PKM: variants seen among roughly 807,000 people sequenced by gnomAD.
PKM encodes pyruvate kinase PKM.
PKM carries 18 observed loss-of-function variants against 49.8 expected under a neutral mutation model. The ratio of observed to expected loss-of-function variants is 0.36; its 90% CI spans 0.25 to 0.54. PKM has a LOEUF of 0.54. PKM is among the 20% of genes least tolerant of loss of function. The pLI, the probability that PKM is intolerant of heterozygous loss-of-function variation, is 0.89. For synonymous variants in PKM, 239 were observed against 261.8 expected, an observed-to-expected ratio of 0.91 and a Z score of 0.84; for missense variants, 508 against 713.8, an observed-to-expected ratio of 0.71 and a Z score of 3.28.
chr15:72,230,830 G>A, intron 1 of PKM: 1 of 804,558 alleles, frequency 1.2e-6, no homozygotes, highest in Non-Finnish European at 1.8e-6. Context: ...TGAGGATTGG[G>A]GCAGGAGGAA....
rs1415358640 is a variant in PKM at position 72,221,269 on chromosome 15, G to C, written c.-13-2159C>G. 5.2e-6 allele frequency: 8 copies of C among 1,533,494 alleles called. No homozygotes were observed. In the Admixed American group the frequency reaches 1.4e-4, roughly 26 times the overall value. 95.0% of individuals were successfully genotyped at this position (1,533,494 alleles called of 1,614,324 possible). On this transcript the variant is annotated intron_variant, in intron 1 of 10. Coordinates refer to ENST00000335181, the MANE Select transcript of PKM (RefSeq NM_002654.6). ...GCAAAGACCGCTCAGAGCTGAATAC[G>C]GTGTGCCCTGGAGAGCTGCACAAGG...
Position 72,202,692 on chromosome 15 carries a change from G to T in PKM, c.1141-72C>A. ...TTGTCAGAGCTTTGTCACAAAAGGAGAGGGAGGGGAAGAGTCACCGGACAG... is the reference window on the plus strand; with the variant it reads ...TTGTCAGAGCTTTGTCACAAAAGGATAGGGAGGGGAAGAGTCACCGGACAG... On this transcript the variant is annotated intron_variant, in intron 8 of 10. Coordinates refer to ENST00000335181, the MANE Select transcript of PKM (RefSeq NM_002654.6). The surrounding 1 kb of genome is among the most constrained non-coding windows in gnomAD (Gnocchi z 4.5). 4 of 1,369,076 alleles carry T rather than the reference G, an allele frequency of 2.9e-6. No homozygotes were observed. The highest frequency in any genetic ancestry group is 1.4e-5 in the African/African-American group (1 of 70,020). The allele number at this position is 1,369,076 out of a possible 1,614,324, so 84.8% of individuals were successfully genotyped here. A position where few individuals can be genotyped will look rare whatever the true frequency, so the allele number is the denominator to read the frequency against.
At chr15:72,217,122 T>A (rs185829285) in intron 3 of PKM, among the ~76,000 whole-genome samples, 3 of 152,298 alleles carry the variant, frequency 2.0e-5, no homozygotes, top group Non-Finnish European at 4.4e-5. Flanking sequence ...GGTTTTCCAG[T>A]AGAACCTTTC....
rs115409149 is a variant in PKM, at chr15:72,212,259, G to A, written c.247-1781C>T. ...TGGAAGGCCAAGGCGGGTGGATCAT[G>A]AGATCAAGAGATTGACAACAACCAG... On this transcript the variant is annotated intron_variant, in intron 3 of 10. Coordinates refer to ENST00000335181, the MANE Select transcript of PKM (RefSeq NM_002654.6). 6.2e-3 allele frequency among the ~76,000 whole-genome samples: 944 copies of A among 152,206 alleles called. 8 individuals are homozygous for A. The highest frequency in any genetic ancestry group is 0.021 in the African/African-American group (882 of 41,502).
intron 7 of PKM, 41 bp downstream of exon 7, chr15:72,207,086 C>T (rs767455770): frequency 7.5e-6 from 12 of 1,609,266 alleles, no homozygotes; most frequent in East Asian, 6.7e-5. Context: ...TACAAACATG[C>T]GAGTGTGCAC....
At position 72,202,893 on chromosome 15, in the gene PKM, G is replaced by A. The variant is rs1344604388; in HGVS notation, c.1141-273C>T. 1 of 992,292 alleles carries A rather than the reference G, an allele frequency of 1.0e-6. No individual in the cohort carries two copies. Among genetic ancestry groups the A allele is most frequent in the Non-Finnish European group, 1.6e-6 (1 of 632,586 alleles). The allele number at this position is 992,292 out of a possible 1,614,324, so 61.5% of individuals were successfully genotyped here. ...GGTCCTGCCCTGCCATGACCTCCCT[G>A]GCGGTGTTCCTACAGACGAGAAGAG... On this transcript the variant is annotated intron_variant, in intron 8 of 10. Coordinates refer to ENST00000335181, the MANE Select transcript of PKM (RefSeq NM_002654.6). This position sits in a 1 kb window ranked among gnomAD's most constrained non-coding sequence, Gnocchi z 4.5.
chr15:72,225,709 G>C (rs1459077895), intron 1 of PKM, among the ~76,000 whole-genome samples: 2 of 152,172 alleles, frequency 1.3e-5, no homozygotes, highest in Admixed American at 6.5e-5. Context: ...CATTTAAGCT[G>C]TTACACTAGT....
Position 72,217,507 on chromosome 15 carries a change from G to A in PKM, c.155-7C>T, listed in dbSNP as rs775959682. 1 of 1,570,424 alleles carries A rather than the reference G, an allele frequency of 6.4e-7. No individual in the cohort carries two copies. Among genetic ancestry groups the A allele is most frequent in the Non-Finnish European group, 8.8e-7 (1 of 1,140,376 alleles). On this transcript the variant is annotated splice_region_variant and splice_polypyrimidine_tract_variant and intron_variant, in intron 2 of 10. Coordinates refer to ENST00000335181, the MANE Select transcript of PKM (RefSeq NM_002654.6). Reference sequence around the variant, plus strand: ...ACTGATCGGGAAGCTGGGCCTATTAGGAAAAGTTTTAAAGCCACAAGTATT... The same window carrying A: ...ACTGATCGGGAAGCTGGGCCTATTAAGAAAAGTTTTAAAGCCACAAGTATT...
chr15:72,203,008 C>CCTTAG, intron 8 of PKM: 1 of 1,613,398 alleles, frequency 6.2e-7, no homozygotes, highest in Non-Finnish European at 8.5e-7. Context: ...TGTTACCTGC[C>CCTTAG]CTTAGGGCCC....
chr15:72,203,309 T>C (rs2081992968), intron 8 of PKM: 2 of 871,762 alleles, frequency 2.3e-6, no homozygotes, highest in East Asian at 4.9e-5. Context: ...TTAGGTTAAT[T>C]GGCTAAATCT....
intron 9 of PKM, chr15:72,201,828 G>C (rs1246078464): frequency 6.3e-6 from 1 of 159,658 alleles, no homozygotes; most frequent in Non-Finnish European, 1.4e-5. Context: ...CAGGGACAAG[G>C]AGCATACTCC....
intron 4 of PKM, 29 bp downstream of exon 4, chr15:72,210,318 C>G: frequency 6.2e-7 from 1 of 1,610,648 alleles, no homozygotes; most frequent in Non-Finnish European, 8.5e-7. Flanking sequence ...CCTACTGAGC[C>G]TTCCCCTCGC....
intron 8 of PKM, 196 bp downstream of exon 8, chr15:72,206,532 G>T: frequency 1.7e-6 from 1 of 593,348 alleles, no homozygotes; most frequent in Non-Finnish European, 3.0e-6. Context: ...GTGGGGGTGT[G>T]GGCAGGAATG....
At chr15:72,203,410 T>C in intron 8 of PKM, 2 of 574,742 alleles carry the variant, frequency 3.5e-6, no homozygotes, top group Non-Finnish European at 6.2e-6. Flanking sequence ...GGAAATTGGC[T>C]CTTCCCTTCT....
chr15:72,230,790 G>T (rs970777422), intron 1 of PKM: 6 of 459,932 alleles, frequency 1.3e-5, no homozygotes, highest in African/African-American at 1.2e-4. Flanking sequence ...ACGAGGGACC[G>T]AGAGAAGGCA....
intron 1 of PKM, chr15:72,228,544 C>A (rs749393586): frequency 1.2e-6 from 1 of 837,576 alleles, no homozygotes; most frequent in Non-Finnish European, 1.7e-6. Context: ...CTTTTTAAGC[C>A]TGCAAGAACC....
chr15:72,230,213 G>A (rs1169130869), intron 1 of PKM, among the ~76,000 whole-genome samples: 2 of 152,198 alleles, frequency 1.3e-5, no homozygotes, highest in Non-Finnish European at 2.9e-5. Flanking sequence ...GGCCACAGGG[G>A]ACGGCACCGC....
intron 2 of PKM, 33 bp downstream of exon 2, chr15:72,218,911 C>A (rs757849498): frequency 6.2e-7 from 1 of 1,612,410 alleles, no homozygotes; most frequent in Non-Finnish European, 8.5e-7. Context: ...GCCCATGAAG[C>A]CCTTTTTTGG....
intron 8 of PKM, chr15:72,203,221 G>C (rs2081989712): frequency 6.3e-7 from 1 of 1,599,350 alleles, no homozygotes; most frequent in African/African-American, 1.3e-5. Flanking sequence ...GGGCAAGGAA[G>C]AGGGAAGGAG....
Sources: allele counts gnomAD v4.1 joint callset (sites outside exome capture counted in the v4.1 genomes callset), GRCh38; gene constraint gnomAD v4.1.1; non-coding constraint Gnocchi (gnomAD v3.1); transcripts MANE v1.5; gene names NCBI Gene and HGNC (gene_info 2026-07-23, HGNC 2026-07-21).